NTN4: variants seen among roughly 807,000 people sequenced by gnomAD.
NTN4 encodes the protein netrin 4, also known as netrin-4.
In NTN4, 32 loss-of-function variants were observed where a neutral mutation model predicts 73.6. The observed-to-expected ratio is 0.44, with a 90% CI of 0.33 to 0.58. The LOEUF is 0.58. Ranked by LOEUF, NTN4 falls within the 20% of genes least tolerant of loss-of-function variation. NTN4 has a pLI of 0.04. For synonymous variants in NTN4, 258 were observed against 287.5 expected (o/e 0.90, Z 1.04); for missense variants, 654 against 798.3 (o/e 0.82, Z 2.18).
intron 1 of NTN4, among the ~76,000 whole-genome samples, chr12:95,788,592 A>T (rs2079185859): frequency 6.6e-6 from 1 of 152,240 alleles, no homozygotes. Flanking sequence ...CTTAAGAAGC[A>T]GTACCTCTGA....
chr12:95,789,628 C>T lies in NTN4; in HGVS notation c.55+627G>A, dbSNP rs7315601. On this transcript the variant is annotated intron_variant, in intron 1 of 9. Transcript: ENST00000343702. The surrounding 1 kb of genome is among the most constrained non-coding windows in gnomAD (Gnocchi z 4.0). The stretch of plus-strand genomic sequence containing the variant: ...GGGAGCAGACCCGCCTCCGACCTCC[C>T]GCAGAGTCTCTGCCAGGGTACCAAT... Among the ~76,000 whole-genome samples the T allele has an allele frequency of 6.6e-6, 1 of 152,162 alleles. No homozygotes were observed. The highest frequency in any genetic ancestry group is 1.5e-5 in the Non-Finnish European group (1 of 68,036).
intron 2 of NTN4, among the ~76,000 whole-genome samples, chr12:95,758,457 T>C (rs1259970061): frequency 1.3e-5 from 2 of 152,280 alleles, no homozygotes; most frequent in African/African-American, 2.4e-5. Context: ...TTATGAATTG[T>C]GATATGTAAA....
intron 3 of NTN4, among the ~76,000 whole-genome samples, chr12:95,731,883 G>A (rs115279332): frequency 5.9e-5 from 9 of 152,174 alleles, no homozygotes; most frequent in African/African-American, 1.4e-4. Flanking sequence ...TCTCGGTTTC[G>A]CATCTGTGAA....
intron 9 of NTN4, among the ~76,000 whole-genome samples, chr12:95,659,939 G>A (rs757193358): frequency 6.6e-5 from 10 of 151,996 alleles, no homozygotes; most frequent in Non-Finnish European, 1.0e-4. Flanking sequence ...TTATCATACT[G>A]CCCTAGATCA....
At chr12:95,777,954 A>C (rs570142218) in intron 2 of NTN4, among the ~76,000 whole-genome samples, 42 of 152,326 alleles carry the variant, frequency 2.8e-4, no homozygotes, top group African/African-American at 1.0e-3. Context: ...AAATTATAAC[A>C]AACTGTCTCT....
At chr12:95,720,903 G>A (rs12370073) in intron 3 of NTN4, among the ~76,000 whole-genome samples, 14,234 of 152,242 alleles carry the variant, frequency 0.093, 932 homozygotes, top group Non-Finnish European at 0.14. Context: ...TCTAGGCATT[G>A]TATAAATATT....
chr12:95,756,869 C>G (rs1316044976), intron 2 of NTN4, among the ~76,000 whole-genome samples: 1 of 151,958 alleles, frequency 6.6e-6, no homozygotes, highest in African/African-American at 2.4e-5. Context: ...CTTGCCACAC[C>G]TCTCTGTCAT....
chr12:95,784,652 A>C (rs1411030789), intron 2 of NTN4, among the ~76,000 whole-genome samples: 1 of 152,132 alleles, frequency 6.6e-6, no homozygotes, highest in Non-Finnish European at 1.5e-5. Flanking sequence ...CTGTAATCCC[A>C]GGTACTCAGG....
intron 2 of NTN4, among the ~76,000 whole-genome samples, chr12:95,752,138 C>G (rs551602122): frequency 6.6e-6 from 1 of 152,036 alleles, no homozygotes; most frequent in Non-Finnish European, 1.5e-5. Context: ...ACCCTTACCC[C>G]ACTCAACGCC....
chr12:95,737,146 G>A (rs771664704), intron 3 of NTN4, among the ~76,000 whole-genome samples: 3 of 152,126 alleles, frequency 2.0e-5, no homozygotes, highest in Non-Finnish European at 4.4e-5. Flanking sequence ...CTGGAAGTCG[G>A]GGAGGTAAGG....
chr12:95,737,046 C>T (rs1000151025), intron 3 of NTN4, among the ~76,000 whole-genome samples: 2 of 152,192 alleles, frequency 1.3e-5, no homozygotes, highest in African/African-American at 2.4e-5. Context: ...TTGGAGCGCT[C>T]ATCCTTATTT....
At chr12:95,710,277 T>C (rs1347567829) in intron 5 of NTN4, among the ~76,000 whole-genome samples, 164 bp downstream of exon 5, 1 of 152,210 alleles carries the variant, frequency 6.6e-6, no homozygotes, top group Non-Finnish European at 1.5e-5. Context: ...ACCCAACTGG[T>C]TGAAAATTCT....
intron 2 of NTN4, chr12:95,739,987 G>C (rs913655912): frequency 2.0e-5 from 3 of 152,270 alleles, no homozygotes; most frequent in African/African-American, 7.2e-5. Context: ...AGCCCAGACA[G>C]TGGGAGCTGA....
At chr12:95,760,220 C>T (rs2078977050) in intron 2 of NTN4, among the ~76,000 whole-genome samples, 1 of 152,150 alleles carries the variant, frequency 6.6e-6, no homozygotes, top group Non-Finnish European at 1.5e-5. Context: ...TTTCTGAGGG[C>T]TCTACCAGAT....
chr12:95,774,424 T>G (rs1592716737), intron 2 of NTN4, among the ~76,000 whole-genome samples: 1 of 152,122 alleles, frequency 6.6e-6, no homozygotes, highest in East Asian at 1.9e-4. Flanking sequence ...ACCTGGCAGG[T>G]GGGAAGGCTT....
intron 5 of NTN4, among the ~76,000 whole-genome samples, chr12:95,699,629 G>GA (rs35777947): frequency 0.19 from 26,279 of 138,868 alleles, 2,497 homozygotes; most frequent in Non-Finnish European, 0.24. Flanking sequence ...CAGAAAGAAG[G>GA]AAAAAAAAAA....
chr12:95,778,091 T>G (rs906822202), intron 2 of NTN4, among the ~76,000 whole-genome samples: 5 of 152,014 alleles, frequency 3.3e-5, no homozygotes, highest in Non-Finnish European at 7.4e-5. Context: ...AAGGCAGAAA[T>G]AAAGATGTTC....
intron 7 of NTN4, 150 bp downstream of exon 7, chr12:95,682,557 C>A: frequency 2.1e-6 from 1 of 485,050 alleles, no homozygotes; most frequent in Non-Finnish European, 3.7e-6. Context: ...CAGTTTCATA[C>A]TTACAGGAGT....
chr12:95,739,414 G>A (rs1269424623), intron 2 of NTN4, among the ~76,000 whole-genome samples: 1 of 152,170 alleles, frequency 6.6e-6, no homozygotes. Flanking sequence ...ATGCAAAGTG[G>A]TGGAAGGAAG....
Sources: gnomAD v4.1 joint callset for allele counts (sites outside exome capture counted in the v4.1 genomes callset) on GRCh38, gnomAD v4.1.1 for gene constraint, Gnocchi (gnomAD v3.1) non-coding constraint, MANE v1.5 for transcripts, NCBI Gene and HGNC (gene_info 2026-07-23, HGNC 2026-07-21) for gene names.